The following FGD3 variants were observed in gnomAD, a reference collection of about 807,000 sequenced individuals.
The protein encoded by FGD3 is FYVE, RhoGEF and PH domain containing 3, also known as FYVE, RhoGEF and PH domain-containing protein 3.
In FGD3, 45 loss-of-function variants were observed where a neutral mutation model predicts 71.8. That is an observed-to-expected ratio of 0.63 (90% confidence interval 0.49 to 0.80). The LOEUF (loss-of-function observed/expected upper bound fraction) is 0.80. Ranked by LOEUF, FGD3 falls within the 30% of genes least tolerant of loss-of-function variation. The probability of loss-of-function intolerance (pLI) is 0.00; values close to 1 mark genes in which losing one functional copy is unlikely to be tolerated. For missense variants in FGD3, 844 were observed against 951.5 expected (o/e 0.89, Z 1.49); for synonymous variants, 378 against 392.8 (o/e 0.96, Z 0.44).
intron 3 of FGD3, among the ~76,000 whole-genome samples, chr9:92,981,368 C>CAAAA (rs11454338): frequency 8.9e-6 from 1 of 111,768 alleles, no homozygotes; most frequent in Non-Finnish European, 1.8e-5. Flanking sequence ...ATTCCATCTC[C>CAAAA]AAAAAAAAAA....
At chr9:93,009,707 A>G (rs1468019968) in intron 6 of FGD3, among the ~76,000 whole-genome samples, 1 of 152,242 alleles carries the variant, frequency 6.6e-6, no homozygotes, top group Non-Finnish European at 1.5e-5. Context: ...GCCGGTGAGC[A>G]GAGCTGGGTA....
intron 10 of FGD3, 141 bp from the exon 11 acceptor site, chr9:93,017,995 A>C (rs1429871335): frequency 2.6e-6 from 2 of 766,654 alleles, no homozygotes; most frequent in South Asian, 1.5e-5. Flanking sequence ...AAGCCTCTGC[A>C]CCCCTCTCCC....
intron 10 of FGD3, 87 bp from the exon 11 acceptor site, chr9:93,018,049 G>A: frequency 2.3e-6 from 3 of 1,301,416 alleles, no homozygotes; most frequent in South Asian, 2.4e-5. Context: ...TACCTCCTTG[G>A]GGAAACACTT....
chr9:93,002,820 C>G, intron 3 of FGD3, 105 bp from the exon 4 acceptor site: 1 of 1,115,506 alleles, frequency 9.0e-7, no homozygotes, highest in Non-Finnish European at 1.3e-6. Context: ...TGGCCTCCTG[C>G]CACCCCTGTG....
intron 14 of FGD3, among the ~76,000 whole-genome samples, chr9:93,024,740 G>A (rs777675581): frequency 6.6e-6 from 1 of 152,252 alleles, no homozygotes; most frequent in Non-Finnish European, 1.5e-5. Flanking sequence ...CCCAGGCCTG[G>A]CTGAGGGGAT....
Position 93,013,957 on chromosome 9 carries a change from T to C in FGD3, c.1141T>C (p.Ser381Pro). 1 of 1,611,488 alleles carries C rather than the reference T, an allele frequency of 6.2e-7. No homozygotes were observed. Among genetic ancestry groups the C allele is most frequent in the Middle Eastern group, 1.7e-4 (1 of 6,034 alleles). ...LIKEGQIQKL[S>P]AKNGTPQDRH... ...CAAGGAGGGCCAAATCCAGAAACTG[T>C]CAGCCAAGAACGGCACCCCCCAGGA... is the stretch of plus-strand genomic sequence containing the variant. The change falls in exon 9 of 18, where the codon TCA (serine) becomes CCA (proline). Residue 381 changes from serine (S) to proline (P), a missense_variant. Physicochemically the swap from Ser to Pro is moderately conservative, Grantham distance 74. Transcript: ENST00000375482.
At chr9:92,995,858 G>A (rs959048163) in intron 3 of FGD3, among the ~76,000 whole-genome samples, 9 of 152,158 alleles carry the variant, frequency 5.9e-5, no homozygotes, top group Non-Finnish European at 1.2e-4. Flanking sequence ...CTTTTGATGT[G>A]CTGCTGGATT....
chr9:93,035,424 G>A lies in FGD3; in HGVS notation c.2013G>A (p.Val671=), dbSNP rs755249218. ...AGGAGAGGCTGGACTCGGGGCATGT[G>A]TGGAAGCTGCAGTGGGCCAAGCAGT... ...DPEERLDSGH[V]WKLQWAKQSW... is the part of the protein sequence containing the mutation. The change falls in exon 18 of 18, where the codon GTG becomes GTA. Residue 671 remains valine (V), a synonymous_variant. Coordinates refer to ENST00000375482, the MANE Select transcript of FGD3 (RefSeq NM_001083536.2). 20 of 1,612,386 alleles carry A rather than the reference G, an allele frequency of 1.2e-5. No homozygotes were observed. Among genetic ancestry groups the A allele is most frequent in the South Asian group, 3.3e-5 (3 of 90,800 alleles).
chr9:93,020,486 A>G, intron 13 of FGD3, 62 bp downstream of exon 13: 1 of 1,453,472 alleles, frequency 6.9e-7, no homozygotes, highest in Non-Finnish European at 9.5e-7. Context: ...TGGAGAGCAG[A>G]AGGCACTGGC....
intron 14 of FGD3, among the ~76,000 whole-genome samples, chr9:93,028,206 A>ACG (rs1862199391): frequency 3.9e-5 from 4 of 102,302 alleles, no homozygotes; most frequent in African/African-American, 1.4e-4. Flanking sequence ...CGACACACAC[A>ACG]CACACACACA....
Position 93,035,913 on chromosome 9 carries a change from G to T in FGD3, c.*324G>T. 1 of 312,318 alleles carries T rather than the reference G, an allele frequency of 3.2e-6. No homozygotes were observed. Among genetic ancestry groups the T allele is most frequent in the Non-Finnish European group, 5.9e-6 (1 of 169,082 alleles). 19.3% of individuals were successfully genotyped at this position (312,318 alleles called of 1,614,324 possible). ...CCGGAAGGCAGAAAGAGGCAGCATG[G>T]GCACTGCCAGGGACAGCCACATCCT... is the stretch of plus-strand genomic sequence containing the variant. On this transcript the variant is annotated 3_prime_UTR_variant, in exon 18 of 18. Coordinates refer to ENST00000375482, the MANE Select transcript of FGD3 (RefSeq NM_001083536.2).
Position 93,034,557 on chromosome 9 carries a change from A to AC in FGD3, c.1807dup (p.Gln603ProfsTer16), listed in dbSNP as rs769439022. 1.9e-6 allele frequency: 3 copies of AC among 1,610,664 alleles called. No homozygotes were observed. In the Admixed American group the frequency reaches 5.0e-5, roughly 27 times the overall value. Reference sequence around the variant, plus strand: ...TGTCCCCAGAAGACACCCACTGCAGACCCCCAGCCCAGCCTGCTCTGCGGC... The same window carrying AC: ...TGTCCCCAGAAGACACCCACTGCAGACCCCCCAGCCCAGCCTGCTCTGCGGC... On this transcript the variant is annotated frameshift_variant, in exon 17 of 18. Coordinates refer to ENST00000375482, the MANE Select transcript of FGD3 (RefSeq NM_001083536.2). LOFTEE classifies it high-confidence loss of function.
chr9:93,015,864 T>G, intron 10 of FGD3, 35 bp downstream of exon 10: 1 of 1,592,722 alleles, frequency 6.3e-7, no homozygotes, highest in Non-Finnish European at 8.6e-7. Flanking sequence ...CCTGTCCCCC[T>G]GGAAGGGGCA....
At chr9:92,993,804 T>C (rs1860517640) in intron 3 of FGD3, among the ~76,000 whole-genome samples, 1 of 152,262 alleles carries the variant, frequency 6.6e-6, no homozygotes, top group Non-Finnish European at 1.5e-5. Flanking sequence ...CTCATCATTT[T>C]TTATGGCTGC....
intron 3 of FGD3, among the ~76,000 whole-genome samples, chr9:92,990,973 G>A (rs907007394): frequency 2.6e-5 from 4 of 152,126 alleles, no homozygotes; most frequent in African/African-American, 9.7e-5. Context: ...CAATTTTTTG[G>A]AATAGTTTGA....
At chr9:92,952,747 C>CT (rs1288690143) in intron 1 of FGD3, among the ~76,000 whole-genome samples, 1 of 151,254 alleles carries the variant, frequency 6.6e-6, no homozygotes, top group Non-Finnish European at 1.5e-5. Flanking sequence ...CTTTCCTTCC[C>CT]TTTTTTCCTC....
At position 92,981,376 on chromosome 9, in the gene FGD3, AAAAAAAAAG is replaced by A. The variant is rs1293490891; in HGVS notation, c.453+4680_453+4688del. Among the ~76,000 whole-genome samples the A allele has an allele frequency of 1.6e-3, 243 of 151,654 alleles. 1 individual carries two copies. Among genetic ancestry groups the A allele is most frequent in the African/African-American group, 5.7e-3 (235 of 41,324 alleles). ...GAGCGAGATTCCATCTCCAAAAAAA[AAAAAAAAAG>A]AAAAAAAAGAAAGAAAAAGTTTGTA... On this transcript the variant is annotated intron_variant, in intron 3 of 17. Transcript: ENST00000375482.
intron 14 of FGD3, among the ~76,000 whole-genome samples, chr9:93,023,110 C>A (rs574214102): frequency 6.6e-6 from 1 of 152,320 alleles, no homozygotes; most frequent in African/African-American, 2.4e-5. Context: ...CACCGTGGAG[C>A]ACCCCGATGT....
intron 7 of FGD3, among the ~76,000 whole-genome samples, 161 bp from the exon 8 acceptor site, chr9:93,011,053 C>T (rs948669894): frequency 6.6e-6 from 1 of 152,072 alleles, no homozygotes; most frequent in Admixed American, 6.6e-5. Flanking sequence ...GCAGGGTCAC[C>T]CCCTTCCTCT....
Sources: gnomAD v4.1 joint callset for allele counts (sites outside exome capture counted in the v4.1 genomes callset) on GRCh38, gnomAD v4.1.1 for gene constraint, MANE v1.5 for transcripts, NCBI Gene and HGNC (gene_info 2026-07-23, HGNC 2026-07-21) for gene names.